SCAI: variants seen among roughly 807,000 people sequenced by gnomAD.
The protein encoded by SCAI is protein SCAI.
A neutral mutation model predicts 92.2 loss-of-function variants in SCAI; 24 were observed. The observed-to-expected ratio is 0.26, with a 90% confidence interval of 0.19 to 0.37. SCAI has a LOEUF of 0.37. SCAI is among the 10% of genes least tolerant of loss of function. The probability of loss-of-function intolerance (pLI) is 1.00; values close to 1 mark genes in which losing one functional copy is unlikely to be tolerated. For missense variants in SCAI, 450 were observed against 736.2 expected (o/e 0.61, Z 4.50); for synonymous variants, 261 against 258.6 (o/e 1.01, Z -0.09).
At chr9:125,039,655 C>T (rs1208922710) in intron 3 of SCAI, among the ~76,000 whole-genome samples, 1 of 152,212 alleles carries the variant, frequency 6.6e-6, no homozygotes, top group African/African-American at 2.4e-5. Context: ...TCAGGCAACT[C>T]AGACAGCTAG....
At chr9:125,026,676 A>AT in intron 6 of SCAI, 136 bp downstream of exon 6, 1 of 512,050 alleles carries the variant, frequency 2.0e-6, no homozygotes. Flanking sequence ...TCGAAGGTCT[A>AT]TTACATAGCA....
chr9:125,014,295 C>T (rs1832702574), intron 9 of SCAI, among the ~76,000 whole-genome samples: 1 of 152,124 alleles, frequency 6.6e-6, no homozygotes, highest in South Asian at 2.1e-4. Context: ...TGTCTCAGCC[C>T]AAAATCTCCT....
At chr9:125,072,930 C>A (rs561259720) in intron 2 of SCAI, among the ~76,000 whole-genome samples, 1 of 151,972 alleles carries the variant, frequency 6.6e-6, no homozygotes, top group South Asian at 2.1e-4. Flanking sequence ...CTTCTCCATT[C>A]ATCCACTGAT....
At chr9:125,073,447 T>C (rs1401634046) in intron 2 of SCAI, among the ~76,000 whole-genome samples, 3 of 152,220 alleles carry the variant, frequency 2.0e-5, no homozygotes, top group African/African-American at 7.2e-5. Context: ...TTTTCCACAG[T>C]GGCTGTATCA....
intron 2 of SCAI, among the ~76,000 whole-genome samples, chr9:125,090,693 G>A (rs1443585216): frequency 2.0e-5 from 3 of 152,134 alleles, no homozygotes; most frequent in East Asian, 3.9e-4. Flanking sequence ...ACATAGCAGC[G>A]ACCTCCTGGA....
intron 3 of SCAI, among the ~76,000 whole-genome samples, chr9:125,051,635 A>G (rs1450435695): frequency 2.0e-5 from 3 of 152,246 alleles, no homozygotes; most frequent in Non-Finnish European, 4.4e-5. Context: ...TATCACATGT[A>G]CCCCATACAT....
At chr9:125,107,700 C>A (rs1834829160) in intron 2 of SCAI, among the ~76,000 whole-genome samples, 1 of 152,132 alleles carries the variant, frequency 6.6e-6, no homozygotes, top group Non-Finnish European at 1.5e-5. Flanking sequence ...GGGGAGTGAG[C>A]CTGGCTGCAG....
Position 125,003,534 on chromosome 9 carries a change from T to A in SCAI, c.898A>T (p.Met300Leu). 1 of 1,613,152 alleles carries A rather than the reference T, an allele frequency of 6.2e-7. No individual in the cohort carries two copies. Among genetic ancestry groups the A allele is most frequent in the Non-Finnish European group, 8.5e-7 (1 of 1,179,460 alleles). The change falls in exon 10 of 18, where the codon ATG (methionine) becomes TTG (leucine). Residue 300 changes from methionine to leucine, a missense_variant. Physicochemically the swap from Met to Leu is conservative, Grantham distance 15 (BLOSUM62 2). Coordinates refer to ENST00000336505, the MANE Select transcript of SCAI (RefSeq NM_001144877.3). ...FSELTVDMFR[M>L]LQALEREPMN... ...GGCTCCCTTTCCAGAGCTTGTAACATCCGGAACATGTCAACAGTTAGTTCA... is the reference window on the plus strand; with the variant it reads ...GGCTCCCTTTCCAGAGCTTGTAACAACCGGAACATGTCAACAGTTAGTTCA...
At position 125,143,505 on chromosome 9, in the gene SCAI, G is replaced by C. The variant is rs1345652018; in HGVS notation, c.-68C>G. ...GGCTCGCTCGGGAAGCTGAGGCGGCGGAGGCTGGAGTAGGCGGAGAGGCGG... is the reference window on the plus strand; with the variant it reads ...GGCTCGCTCGGGAAGCTGAGGCGGCCGAGGCTGGAGTAGGCGGAGAGGCGG... On this transcript the variant is annotated 5_prime_UTR_variant, in exon 1 of 18. Transcript: ENST00000336505. 7.9e-7 allele frequency: 1 copy of C among 1,271,954 alleles called. No individual in the cohort carries two copies. The highest frequency in any genetic ancestry group is 1.0e-6 in the Non-Finnish European group (1 of 997,816). 78.8% of individuals were successfully genotyped at this position (1,271,954 alleles called of 1,614,324 possible). A position where few individuals can be genotyped will look rare whatever the true frequency, so the allele number is the denominator to read the frequency against.
At chr9:125,121,297 G>A (rs1835151658) in intron 2 of SCAI, among the ~76,000 whole-genome samples, 1 of 148,558 alleles carries the variant, frequency 6.7e-6, no homozygotes, top group African/African-American at 2.5e-5. Flanking sequence ...CATACGAGAT[G>A]CTGGAAAAAA....
In SCAI at chr9:124,949,776, G is replaced by C. The variant is rs1212275703; in HGVS notation, c.*3031C>G. ...CCTTACTCCTTCTACTAGAATGTAA[G>C]CTTCATGAACATGAGGATTTTTAAG... On this transcript the variant is annotated 3_prime_UTR_variant, in exon 18 of 18. Transcript: ENST00000336505. The surrounding 1 kb of genome is among the most constrained non-coding windows in gnomAD (Gnocchi z 4.0). 1.3e-5 allele frequency: 2 copies of C among 152,128 alleles called. No individual in the cohort carries two copies. Among genetic ancestry groups the C allele is most frequent in the African/African-American group, 4.8e-5 (2 of 41,424 alleles). 9.4% of individuals were successfully genotyped at this position (152,128 alleles called of 1,614,324 possible). A position where few individuals can be genotyped will look rare whatever the true frequency, so the allele number is the denominator to read the frequency against.
intron 9 of SCAI, among the ~76,000 whole-genome samples, chr9:125,017,581 A>C (rs1209995897): frequency 1.3e-5 from 2 of 152,220 alleles, no homozygotes; most frequent in Non-Finnish European, 2.9e-5. Flanking sequence ...ACTTGTATAA[A>C]AAACACATCT....
At chr9:124,968,870 T>C in intron 17 of SCAI, 2 of 587,574 alleles carry the variant, frequency 3.4e-6, no homozygotes, top group South Asian at 2.1e-5. Flanking sequence ...ATGTTTTCAA[T>C]ATTCCTAGGC....
intron 17 of SCAI, among the ~76,000 whole-genome samples, chr9:124,957,681 T>A (rs1049088030): frequency 2.6e-5 from 3 of 113,952 alleles, no homozygotes; most frequent in Non-Finnish European, 4.9e-5. Flanking sequence ...AATAATACAA[T>A]TTTTTTTTTT....
At chr9:125,070,475 T>C (rs1564401162) in intron 2 of SCAI, among the ~76,000 whole-genome samples, 1 of 148,320 alleles carries the variant, frequency 6.7e-6, no homozygotes, top group Non-Finnish European at 1.5e-5. Context: ...TCTCAGCTCA[T>C]AGCAAGCTCC....
chr9:125,066,581 GA>G (rs1268164700), intron 2 of SCAI, among the ~76,000 whole-genome samples: 1 of 151,852 alleles, frequency 6.6e-6, no homozygotes, highest in Non-Finnish European at 1.5e-5. Flanking sequence ...TCAGCCTCAT[GA>G]GTAGCTGGGA....
chr9:125,045,363 G>A (rs1445687802), intron 3 of SCAI, among the ~76,000 whole-genome samples: 1 of 152,078 alleles, frequency 6.6e-6, no homozygotes, highest in East Asian at 1.9e-4. Flanking sequence ...ACTGCATCTG[G>A]CCAGCTAATT....
At chr9:125,124,659 A>G (rs1835224619) in intron 2 of SCAI, among the ~76,000 whole-genome samples, 1 of 152,218 alleles carries the variant, frequency 6.6e-6, no homozygotes, top group African/African-American at 2.4e-5. Context: ...CACTTCAAAT[A>G]TTAATTTCAT....
At chr9:125,008,696 A>C (rs888086983) in intron 9 of SCAI, among the ~76,000 whole-genome samples, 2 of 152,232 alleles carry the variant, frequency 1.3e-5, no homozygotes, top group African/African-American at 4.8e-5. Flanking sequence ...AGAAAAGAAT[A>C]TAACAGACAC....
Sources: gnomAD v4.1 joint callset for allele counts (sites outside exome capture counted in the v4.1 genomes callset) on GRCh38, gnomAD v4.1.1 for gene constraint, Gnocchi (gnomAD v3.1) non-coding constraint, MANE v1.5 for transcripts, NCBI Gene and HGNC (gene_info 2026-07-23, HGNC 2026-07-21) for gene names.